The following SVOPL variants were observed in gnomAD, a reference collection of about 807,000 sequenced individuals.
SVOPL encodes the protein putative transporter SVOPL.
In SVOPL, 60 loss-of-function variants were observed where a neutral mutation model predicts 61.0. That is an observed-to-expected ratio of 0.98 (90% CI 0.80 to 1.22). The LOEUF is 1.22. Ranked by LOEUF, SVOPL falls within the 50% of genes most tolerant of loss-of-function variation. The probability of loss-of-function intolerance (pLI) is 0.00; values close to 1 mark genes in which losing one functional copy is unlikely to be tolerated. For synonymous variants in SVOPL, 279 were observed against 250.0 expected, an observed-to-expected ratio of 1.12 and a Z score of -1.09; for missense variants, 662 against 643.9, an observed-to-expected ratio of 1.03 and a Z score of -0.30.
chr7:138,660,615 T>C (rs1301393864), intron 5 of SVOPL: 2 of 985,366 alleles, frequency 2.0e-6, no homozygotes, highest in African/African-American at 3.5e-5. Flanking sequence ...GTTTCAGATC[T>C]TCTCATTATT....
At chr7:138,688,879 A>C in intron 1 of SVOPL, 2 of 402,670 alleles carry the variant, frequency 5.0e-6, no homozygotes, top group South Asian at 4.1e-5. Flanking sequence ...CTAGTACCTC[A>C]GAATGTGACT....
chr7:138,696,251 G>A (rs1271623444), intron 1 of SVOPL, among the ~76,000 whole-genome samples: 6 of 151,332 alleles, frequency 4.0e-5, no homozygotes, highest in Non-Finnish European at 2.9e-5. Context: ...TTTGAGACAG[G>A]GTCTTGTCTG....
intron 14 of SVOPL, among the ~76,000 whole-genome samples, chr7:138,597,507 C>T (rs946132788): frequency 2.6e-5 from 4 of 152,080 alleles, no homozygotes; most frequent in Admixed American, 6.5e-5. Flanking sequence ...TTCCACTCAC[C>T]GTGCAAACAG....
rs1213256223 is a variant in SVOPL at position 138,605,974 on chromosome 7, A to G, written c.1354-9444T>C. Among the ~76,000 whole-genome samples, 3 of 151,032 alleles carry G rather than the reference A, an allele frequency of 2.0e-5. No individual in the cohort carries two copies. The South Asian group carries it at 6.4e-4, about 32-fold the overall frequency. On this transcript the variant is annotated intron_variant, in intron 14 of 15. Transcript: ENST00000674285. ...TCATATTTCAGTAAAATAGTTGAAT[A>G]CAAATAAATTTTTTTTTAAATTGTT... is the stretch of plus-strand genomic sequence containing the variant.
chr7:138,670,855 T>C (rs1392375128), intron 4 of SVOPL, among the ~76,000 whole-genome samples: 1 of 152,100 alleles, frequency 6.6e-6, no homozygotes, highest in South Asian at 2.1e-4. Context: ...GACCACATCC[T>C]TCCCTGAAGC....
intron 1 of SVOPL, among the ~76,000 whole-genome samples, chr7:138,698,784 C>A (rs990630093): frequency 2.6e-5 from 4 of 152,122 alleles, no homozygotes; most frequent in Admixed American, 6.6e-5. Context: ...CTGTCTCTCA[C>A]CTCTGAGCAA....
chr7:138,635,278 A>C (rs1245088240), intron 9 of SVOPL, among the ~76,000 whole-genome samples: 1 of 152,140 alleles, frequency 6.6e-6, no homozygotes, highest in East Asian at 1.9e-4. Flanking sequence ...CTCAAAAAAA[A>C]AAAAAAAGTT....
At chr7:138,621,794 C>CTATCTATGTATCTATG (rs1330405556) in intron 13 of SVOPL, among the ~76,000 whole-genome samples, 1 of 135,022 alleles carries the variant, frequency 7.4e-6, no homozygotes, top group African/African-American at 3.0e-5. Context: ...ATCTATCTAT[C>CTATCTATGTATCTATG]TATCTATGTA....
chr7:138,642,758 A>G (rs932064017), intron 9 of SVOPL, among the ~76,000 whole-genome samples: 105 of 150,198 alleles, frequency 7.0e-4, no homozygotes, highest in African/African-American at 2.4e-3. Flanking sequence ...TGAACCCAGG[A>G]GGCAGAGGTT....
At chr7:138,649,884 G>T (rs1398252158) in intron 7 of SVOPL, among the ~76,000 whole-genome samples, 4 of 151,866 alleles carry the variant, frequency 2.6e-5, no homozygotes, top group Admixed American at 6.6e-5. Flanking sequence ...CAGACTGGAG[G>T]GCAGTGGCAC....
intron 13 of SVOPL, among the ~76,000 whole-genome samples, chr7:138,622,302 C>CTATT (rs1799703141): frequency 7.7e-6 from 1 of 129,704 alleles, no homozygotes; most frequent in Non-Finnish European, 1.7e-5. Context: ...ATCTATCTAT[C>CTATT]TATCTATCTA....
At chr7:138,646,411 G>T in intron 8 of SVOPL, 1 of 186,238 alleles carries the variant, frequency 5.4e-6, no homozygotes, top group East Asian at 1.3e-4. Context: ...TGTCTAAGAG[G>T]TCTGGTGACC....
At chr7:138,639,392 T>C (rs1057399184) in intron 9 of SVOPL, among the ~76,000 whole-genome samples, 45 of 152,070 alleles carry the variant, frequency 3.0e-4, no homozygotes, top group African/African-American at 1.1e-3. Flanking sequence ...TTTGGGAGGC[T>C]GAGGTGGGTG....
chr7:138,607,454 G>A (rs1405938594), intron 14 of SVOPL, among the ~76,000 whole-genome samples: 1 of 152,196 alleles, frequency 6.6e-6, no homozygotes, highest in Non-Finnish European at 1.5e-5. Context: ...AACCCACAGA[G>A]TGCAAGTGAT....
chr7:138,604,194 G>A (rs1412575895), intron 14 of SVOPL, among the ~76,000 whole-genome samples: 3 of 151,806 alleles, frequency 2.0e-5, no homozygotes, highest in African/African-American at 7.3e-5. Flanking sequence ...AGACTCCCAG[G>A]ATGAAGCAAT....
intron 3 of SVOPL, among the ~76,000 whole-genome samples, chr7:138,676,944 T>C (rs1563135203): frequency 8.5e-5 from 12 of 140,592 alleles, no homozygotes; most frequent in African/African-American, 3.0e-4. Flanking sequence ...CGCTCTGTCA[T>C]CAGGGCTGGA....
At chr7:138,667,730 G>A (rs1802304649) in intron 4 of SVOPL, among the ~76,000 whole-genome samples, 2 of 152,136 alleles carry the variant, frequency 1.3e-5, no homozygotes, top group Admixed American at 1.3e-4. Flanking sequence ...TCCATAGCTG[G>A]TGTTCTTGAA....
Position 138,628,350 on chromosome 7 carries a change from AAG to A in SVOPL, c.875_876del (p.Ser292PhefsTer12), listed in dbSNP as rs749793037. Reference sequence around the variant, plus strand: ...GCCAGGATAACCCCATAGTAGGCAAAAGAGATTCCAAGCCTGGAAGAGAGAAA... The same window carrying A: ...GCCAGGATAACCCCATAGTAGGCAAAAGATTCCAAGCCTGGAAGAGAGAAA... ...LQIWVIWLGI[S>X]FAYYGVILAS... On this transcript the variant is annotated frameshift_variant, in exon 11 of 16. Transcript: ENST00000674285. LOFTEE classifies it high-confidence loss of function. The A allele has an allele frequency of 6.2e-7, 1 of 1,614,072 alleles. No homozygotes were observed. Among genetic ancestry groups the A allele is most frequent in the Non-Finnish European group, 8.5e-7 (1 of 1,180,028 alleles).
Position 138,672,115 on chromosome 7 carries a change from C to T in SVOPL, c.177G>A (p.Val59=), listed in dbSNP as rs1802436212. 2 of 1,551,532 alleles carry T rather than the reference C, an allele frequency of 1.3e-6. No individual in the cohort carries two copies. The highest frequency in any genetic ancestry group is 1.4e-5 in the African/African-American group (1 of 73,050). Residue 59 remains valine (V), a splice_region_variant and synonymous_variant, in exon 4 of 16, where the codon GTG becomes GTA. Transcript: ENST00000674285. ...ALFLIMGSTG[V]VEAMEIMLIA... is the part of the protein sequence containing the mutation. ...TCAACATGATCTCCATGGCCTCAAC[C>T]ACCTTAAAGAAGAGGGACACCATGC...
Sources: allele counts gnomAD v4.1 joint callset (sites outside exome capture counted in the v4.1 genomes callset), GRCh38; gene constraint gnomAD v4.1.1; transcripts MANE v1.5; gene names NCBI Gene and HGNC (gene_info 2026-07-23, HGNC 2026-07-21).